The following MOGAT2 variants were observed in gnomAD, a reference collection of about 807,000 sequenced individuals.
MOGAT2 encodes the protein 2-acylglycerol O-acyltransferase 2.
In MOGAT2, 27 loss-of-function variants were observed where a neutral mutation model predicts 31.5. The observed-to-expected ratio is 0.86, with a 90% confidence interval of 0.63 to 1.18. MOGAT2 has a LOEUF of 1.18. MOGAT2 is among the 50% of genes most tolerant of loss of function. The probability of loss-of-function intolerance (pLI) is 0.00; values close to 1 mark genes in which losing one functional copy is unlikely to be tolerated. For synonymous variants in MOGAT2, 163 were observed against 170.0 expected (o/e 0.96, Z 0.32); for missense variants, 436 against 433.2 (o/e 1.01, Z -0.06).
chr11:75,726,025 C>G (rs1944418740), intron 2 of MOGAT2, among the ~76,000 whole-genome samples: 1 of 152,226 alleles, frequency 6.6e-6, no homozygotes, highest in Non-Finnish European at 1.5e-5. Context: ...CACAGCCCGT[C>G]CGGTATCTGG....
At position 75,728,045 on chromosome 11, in the gene MOGAT2, T is replaced by C. The variant is rs749586002; in HGVS notation, c.551T>C (p.Ile184Thr). 5 of 1,613,946 alleles carry C rather than the reference T, an allele frequency of 3.1e-6. No homozygotes were observed. Among genetic ancestry groups the C allele is most frequent in the African/African-American group, 1.3e-5 (1 of 75,002 alleles). The change falls in exon 4 of 6, where the codon ATT becomes ACT. Residue 184 changes from isoleucine (I) to threonine (T), a missense_variant. By Grantham distance (89) the Ile-to-Thr change is moderately conservative. Coordinates refer to ENST00000198801, the MANE Select transcript of MOGAT2 (RefSeq NM_025098.4). ...RKGGGNLLGI[I>T]VGGAQEALDA... ...GGTGGCGGAAACTTGCTGGGCATCA[T>C]TGTAGGGGGTGCCCAGGAGGCCCTG...
At chr11:75,724,376 T>A (rs1944401487) in intron 2 of MOGAT2, among the ~76,000 whole-genome samples, 1 of 151,940 alleles carries the variant, frequency 6.6e-6, no homozygotes, top group East Asian at 1.9e-4. Flanking sequence ...ATGGAAGAGG[T>A]TAGCACAGAA....
At chr11:75,724,264 C>T (rs2135733807) in intron 2 of MOGAT2, among the ~76,000 whole-genome samples, 1 of 152,332 alleles carries the variant, frequency 6.6e-6, no homozygotes, top group South Asian at 2.1e-4. Context: ...CTTTCCAGAG[C>T]ATCTCCTCTG....
intron 4 of MOGAT2, 23 bp from the exon 5 acceptor site, chr11:75,728,767 C>G (rs759646987): frequency 3.1e-6 from 5 of 1,609,346 alleles, no homozygotes; most frequent in Non-Finnish European, 3.4e-6. Context: ...CCCACATGCC[C>G]TCTTTCCTCT....
chr11:75,724,346 G>C (rs889155053), intron 2 of MOGAT2, among the ~76,000 whole-genome samples: 7 of 152,214 alleles, frequency 4.6e-5, no homozygotes, highest in Non-Finnish European at 1.0e-4. Flanking sequence ...TGTTGTGATA[G>C]ATTTGGGTCC....
chr11:75,725,547 CATAAATAA>C (rs56400236), intron 2 of MOGAT2, among the ~76,000 whole-genome samples: 28,618 of 146,474 alleles, frequency 0.2, 2,849 homozygotes, highest in East Asian at 0.24. Flanking sequence ...GACTCTGTCT[CATAAATAA>C]ATAAATAAAT....
At chr11:75,724,150 C>A (rs1944399573) in intron 2 of MOGAT2, among the ~76,000 whole-genome samples, 2 of 152,178 alleles carry the variant, frequency 1.3e-5, no homozygotes, top group African/African-American at 4.8e-5. Context: ...ACTAGTGGAA[C>A]CCTGGTGACA....
chr11:75,731,253 C>T lies in MOGAT2; in HGVS notation c.972C>T (p.Asn324=). ...NLFEAHKLKF[N]IPADQHLEFC is the part of the protein sequence containing the mutation. ...TCGAGGCCCACAAACTTAAGTTCAA[C>T]ATCCCTGCTGACCAGCACTTGGAGT... The change falls in exon 6 of 6, where the codon AAC becomes AAT. Residue 324 remains asparagine (N), a synonymous_variant. Coordinates refer to ENST00000198801, the MANE Select transcript of MOGAT2 (RefSeq NM_025098.4). 1 of 1,614,202 alleles carries T rather than the reference C, an allele frequency of 6.2e-7. No individual in the cohort carries two copies. The highest frequency in any genetic ancestry group is 8.5e-7 in the Non-Finnish European group (1 of 1,180,034).
intron 1 of MOGAT2, chr11:75,719,647 T>C (rs1045722285): frequency 3.8e-5 from 9 of 238,122 alleles, no homozygotes; most frequent in East Asian, 1.7e-4. Context: ...GTTGTCCCCA[T>C]TGATTGAGCA....
intron 1 of MOGAT2, 33 bp from the exon 2 acceptor site, chr11:75,719,959 C>T (rs746828556): frequency 5.6e-6 from 9 of 1,605,766 alleles, no homozygotes; most frequent in Non-Finnish European, 7.6e-6. Flanking sequence ...CTCTCAGACC[C>T]CTGTCCCTGA....
intron 2 of MOGAT2, among the ~76,000 whole-genome samples, chr11:75,722,828 G>T (rs558728799): frequency 2.4e-4 from 36 of 152,322 alleles, no homozygotes; most frequent in African/African-American, 8.7e-4. Flanking sequence ...ATCAACGTCC[G>T]TCCTTCCTGC....
intron 5 of MOGAT2, 184 bp from the exon 6 acceptor site, chr11:75,730,948 A>C (rs904900065): frequency 1.1e-5 from 5 of 441,084 alleles, no homozygotes; most frequent in African/African-American, 8.2e-5. Flanking sequence ...AAGAAAAGGA[A>C]GAAAGAAATC....
At chr11:75,722,562 C>A (rs1944384874) in intron 2 of MOGAT2, among the ~76,000 whole-genome samples, 1 of 152,238 alleles carries the variant, frequency 6.6e-6, no homozygotes, top group Admixed American at 6.5e-5. Context: ...AGGGTGAGTT[C>A]TGAGCCACAG....
At chr11:75,728,585 T>G (rs1372745961) in intron 4 of MOGAT2, 2 of 600,254 alleles carry the variant, frequency 3.3e-6, no homozygotes, top group Non-Finnish European at 5.9e-6. Flanking sequence ...AACTGGGAAG[T>G]TGTGGCCCTG....
chr11:75,727,781 G>T, intron 3 of MOGAT2, 142 bp downstream of exon 3: 2 of 1,039,046 alleles, frequency 1.9e-6, no homozygotes. Context: ...GCACCATGCT[G>T]GGCGCTGAGT....
In MOGAT2 at chr11:75,720,044, C is replaced by T. The variant is rs779484342; in HGVS notation, c.144C>T (p.Leu48=). ...FIALLFTRFW[L]LTVLYAAWWY... ...CCCTCCTGTTTACAAGATTCTGGCT[C>T]CTCACTGTCCTGTATGCGGCCTGGT... The change falls in exon 2 of 6, where the codon CTC becomes CTT. Residue 48 remains leucine, a synonymous_variant. Transcript: ENST00000198801. 1 of 1,614,182 alleles carries T rather than the reference C, an allele frequency of 6.2e-7. No homozygotes were observed. Among genetic ancestry groups the T allele is most frequent in the South Asian group, 1.1e-5 (1 of 91,074 alleles).
intron 5 of MOGAT2, among the ~76,000 whole-genome samples, chr11:75,729,776 G>A (rs1029640958): frequency 8.5e-6 from 1 of 118,166 alleles, no homozygotes; most frequent in Non-Finnish European, 1.6e-5. Flanking sequence ...ACAGAGTCCT[G>A]CTCTGTTGCC....
At chr11:75,718,157 G>A (rs1216210993) in intron 1 of MOGAT2, among the ~76,000 whole-genome samples, 178 bp downstream of exon 1, 13 of 152,212 alleles carry the variant, frequency 8.5e-5, no homozygotes, top group Non-Finnish European at 4.4e-5. Flanking sequence ...CTTCTTGGGG[G>A]TGGAGTGGGG....
intron 2 of MOGAT2, 102 bp from the exon 3 acceptor site, chr11:75,727,332 TG>T: frequency 9.5e-7 from 1 of 1,057,594 alleles, no homozygotes; most frequent in Non-Finnish European, 1.4e-6. Context: ...GATGAAGACC[TG>T]GAGGCTCAGA....
Sources: allele counts gnomAD v4.1 joint callset (sites outside exome capture counted in the v4.1 genomes callset), GRCh38; gene constraint gnomAD v4.1.1; transcripts MANE v1.5; gene names NCBI Gene and HGNC (gene_info 2026-07-23, HGNC 2026-07-21).